PCDHA1: variants seen among roughly 807,000 people sequenced by gnomAD.
PCDHA1 encodes protocadherin alpha 1, also known as protocadherin alpha-1.
In PCDHA1, 42 loss-of-function variants were observed where a neutral mutation model predicts 61.3. The ratio of observed to expected loss-of-function variants is 0.69; its 90% CI spans 0.54 to 0.89. The LOEUF (loss-of-function observed/expected upper bound fraction) is 0.89, where lower values mean the gene tolerates loss of function less well. Among genes scored for constraint, PCDHA1 ranks in the 40% least tolerant of loss-of-function variants. PCDHA1 has a pLI of 0.00. For synonymous variants in PCDHA1, 610 were observed against 553.8 expected, an observed-to-expected ratio of 1.10 and a Z score of -1.43; for missense variants, 1,256 against 1,235.3, an observed-to-expected ratio of 1.02 and a Z score of -0.25.
chr5:140,830,775 AT>A (rs1201175908), intron 1 of PCDHA1: 4 of 167,194 alleles, frequency 2.4e-5, no homozygotes, highest in East Asian at 1.6e-4. Context: ...TCATAGTAGC[AT>A]TTTTTTCTGA....
chr5:140,920,817 C>A (rs1430508925), intron 1 of PCDHA1, among the ~76,000 whole-genome samples: 1 of 150,498 alleles, frequency 6.6e-6, no homozygotes, highest in African/African-American at 2.5e-5. Flanking sequence ...GCACTCCAGC[C>A]TGGCGACGGA....
At chr5:140,877,681 C>T (rs1554169975) in intron 1 of PCDHA1, 2 of 1,613,678 alleles carry the variant, frequency 1.2e-6, no homozygotes, top group Non-Finnish European at 1.7e-6. Context: ...GCCGGGCAAG[C>T]CCACGCTGGT....
intron 1 of PCDHA1, chr5:140,797,352 G>A (rs1762215281): frequency 6.2e-7 from 1 of 1,613,362 alleles, no homozygotes; most frequent in Non-Finnish European, 8.5e-7. Context: ...ACGTAGGAAA[G>A]GTGAGTCTTT....
At chr5:140,867,473 GA>G (rs1319417026) in intron 1 of PCDHA1, 2 of 151,968 alleles carry the variant, frequency 1.3e-5, no homozygotes, top group Non-Finnish European at 2.9e-5. Flanking sequence ...ACAACATTGG[GA>G]AAAGAGTAAA....
intron 1 of PCDHA1, chr5:140,877,792 C>A (rs782259804): frequency 1.9e-6 from 3 of 1,613,886 alleles, no homozygotes; most frequent in Non-Finnish European, 2.5e-6. Flanking sequence ...GGCCTTCAGC[C>A]CAAGCCTTCA....
In PCDHA1 at chr5:140,786,827, T is replaced by C. The variant is rs1209131795; in HGVS notation, c.537T>C (p.Ser179=). 1 of 1,614,064 alleles carries C rather than the reference T, an allele frequency of 6.2e-7. No individual in the cohort carries two copies. The highest frequency in any genetic ancestry group is 8.5e-7 in the Non-Finnish European group (1 of 1,180,018). The change falls in exon 1 of 4, where the codon TCT becomes TCC. Residue 179 remains serine (S), a synonymous_variant. Transcript: ENST00000504120. ...CGCTCAGCCCGAGTGATTATTTCTC[T>C]TTGGATGTAGAGGCAAGTGATGAAC... ...TYTLSPSDYF[S]LDVEASDELS... is the part of the protein sequence containing the mutation.
intron 1 of PCDHA1, chr5:140,812,287 T>A (rs1262930138): frequency 5.3e-5 from 8 of 152,076 alleles, no homozygotes; most frequent in Non-Finnish European, 1.0e-4. Flanking sequence ...GGTTATTGAA[T>A]TTTTTGGTAT....
chr5:140,822,459 G>A, intron 1 of PCDHA1: 1 of 1,613,794 alleles, frequency 6.2e-7, no homozygotes, highest in Non-Finnish European at 8.5e-7. Context: ...TTCAGTTGTT[G>A]ATCAATGTAT....
At chr5:140,948,098 AT>A (rs1400798416) in intron 1 of PCDHA1, among the ~76,000 whole-genome samples, 2 of 151,502 alleles carry the variant, frequency 1.3e-5, no homozygotes, top group African/African-American at 4.8e-5. Flanking sequence ...TGAGCATATG[AT>A]TTTTCTTCGT....
At chr5:140,789,400 C>T (rs1320322407) in intron 1 of PCDHA1, among the ~76,000 whole-genome samples, 1 of 152,128 alleles carries the variant, frequency 6.6e-6, no homozygotes, top group Non-Finnish European at 1.5e-5. Context: ...TGTAGTGAAC[C>T]GAAGTCGCAC....
chr5:140,958,349 G>T lies in PCDHA1; in HGVS notation c.2395-20600G>T, dbSNP rs142186821. Among the ~76,000 whole-genome samples the T allele has an allele frequency of 7.9e-3, 1,199 of 152,218 alleles. 6 individuals carry two copies. The highest frequency in any genetic ancestry group is 0.012 in the Non-Finnish European group (790 of 67,966). On this transcript the variant is annotated intron_variant, in intron 1 of 3. Coordinates refer to ENST00000504120, the MANE Select transcript of PCDHA1 (RefSeq NM_018900.4). ...ATAAATAAATCACAGGAAGTTCACAGTCTGACTTTATCAGGAATGTTGCTA... is the reference window on the plus strand; with the variant it reads ...ATAAATAAATCACAGGAAGTTCACATTCTGACTTTATCAGGAATGTTGCTA...
At chr5:140,844,475 T>C (rs1474799888) in intron 1 of PCDHA1, among the ~76,000 whole-genome samples, 1 of 148,876 alleles carries the variant, frequency 6.7e-6, no homozygotes. Flanking sequence ...TTTTTGAGCC[T>C]CTATGTTTAG....
chr5:140,812,755 G>A (rs978765974), intron 1 of PCDHA1: 1 of 152,220 alleles, frequency 6.6e-6, no homozygotes, highest in African/African-American at 2.4e-5. Context: ...CACTGAGCTT[G>A]CCCAGCTTAA....
At chr5:140,873,653 C>A (rs2054406845) in intron 1 of PCDHA1, among the ~76,000 whole-genome samples, 1 of 152,104 alleles carries the variant, frequency 6.6e-6, no homozygotes, top group Non-Finnish European at 1.5e-5. Context: ...AACTACATAA[C>A]ACACTATTAT....
intron 1 of PCDHA1, among the ~76,000 whole-genome samples, chr5:140,899,817 T>C (rs1360189018): frequency 6.6e-6 from 1 of 152,178 alleles, no homozygotes; most frequent in East Asian, 1.9e-4. Flanking sequence ...TTGTTTTGTT[T>C]TTCCTTTTTG....
intron 1 of PCDHA1, among the ~76,000 whole-genome samples, chr5:140,878,595 A>G (rs1413193453): frequency 6.6e-6 from 1 of 152,192 alleles, no homozygotes; most frequent in East Asian, 1.9e-4. Flanking sequence ...CCTATTACCA[A>G]GTGAATCTTC....
intron 1 of PCDHA1, chr5:140,823,492 G>A (rs886912020): frequency 6.2e-7 from 1 of 1,613,280 alleles, no homozygotes; most frequent in East Asian, 2.2e-5. Flanking sequence ...GGGTGGCACC[G>A]GCGGCGCAGT....
chr5:140,819,782 A>G (rs1326657142), intron 1 of PCDHA1, among the ~76,000 whole-genome samples: 1 of 152,108 alleles, frequency 6.6e-6, no homozygotes, highest in Non-Finnish European at 1.5e-5. Flanking sequence ...CTATATAAGT[A>G]CATGAGATAT....
At chr5:140,829,349 G>A (rs1770243547) in intron 1 of PCDHA1, 1 of 1,614,120 alleles carries the variant, frequency 6.2e-7, no homozygotes, top group Admixed American at 1.7e-5. Context: ...GAGCGTGTCG[G>A]CCTATGAGTT....
Sources: allele counts gnomAD v4.1 joint callset (sites outside exome capture counted in the v4.1 genomes callset), GRCh38; gene constraint gnomAD v4.1.1; transcripts MANE v1.5; gene names NCBI Gene and HGNC (gene_info 2026-07-23, HGNC 2026-07-21).